SGMS1: variants seen among roughly 807,000 people sequenced by gnomAD.
The protein encoded by SGMS1 is sphingomyelin synthase 1, also known as phosphatidylcholine:ceramide cholinephosphotransferase 1.
Under a neutral mutation model 46.2 loss-of-function variants are expected in SGMS1, and 13 were observed. The ratio of observed to expected loss-of-function variants is 0.28; its 90% CI spans 0.18 to 0.45. The LOEUF is 0.45. Ranked by LOEUF, SGMS1 falls within the 20% of genes least tolerant of loss-of-function variation. SGMS1 has a pLI of 1.00. For synonymous variants in SGMS1, 203 were observed against 187.8 expected, an observed-to-expected ratio of 1.08 and a Z score of -0.66; for missense variants, 324 against 519.9, an observed-to-expected ratio of 0.62 and a Z score of 3.66.
chr10:50,564,985 C>A (rs1838275684), intron 2 of SGMS1, among the ~76,000 whole-genome samples: 1 of 152,162 alleles, frequency 6.6e-6, no homozygotes, highest in Non-Finnish European at 1.5e-5. Context: ...CCTTTCCTGG[C>A]ACCCACTTTC....
intron 6 of SGMS1, among the ~76,000 whole-genome samples, chr10:50,363,207 A>T (rs1848280779): frequency 6.6e-6 from 1 of 152,230 alleles, no homozygotes; most frequent in Non-Finnish European, 1.5e-5. Flanking sequence ...AAATCAAAAC[A>T]GTCGAAGAGA....
intron 6 of SGMS1, among the ~76,000 whole-genome samples, chr10:50,403,551 A>C (rs892096364): frequency 1.3e-5 from 2 of 152,058 alleles, no homozygotes; most frequent in African/African-American, 4.8e-5. Flanking sequence ...ATGGTGTTTC[A>C]AAAGCCAGAT....
chr10:50,328,086 C>A (rs1179371565), intron 7 of SGMS1: 3 of 386,590 alleles, frequency 7.8e-6, no homozygotes, highest in South Asian at 2.0e-5. Flanking sequence ...TAGGTTCTAA[C>A]AAAATTATTT....
At chr10:50,480,935 A>G (rs1222604745) in intron 3 of SGMS1, among the ~76,000 whole-genome samples, 5 of 151,816 alleles carry the variant, frequency 3.3e-5, no homozygotes, top group Non-Finnish European at 7.4e-5. Flanking sequence ...ACCCAGATCC[A>G]TCCCTTCTTA....
chr10:50,383,292 G>A lies in SGMS1; in HGVS notation c.-231-38947C>T, dbSNP rs185690409. On this transcript the variant is annotated intron_variant, in intron 6 of 10. Transcript: ENST00000361781. ...ACAGATGAATAGAGCCGAAAGATCC[G>A]TTTCTTCAAGTTTAAAAAGATTTCC... Among the ~76,000 whole-genome samples the A allele has an allele frequency of 4.2e-4, 64 of 152,162 alleles. No homozygotes were observed. The East Asian group carries it at 6.9e-3, about 17-fold the overall frequency.
intron 2 of SGMS1, among the ~76,000 whole-genome samples, chr10:50,543,964 C>A (rs1470047095): frequency 6.6e-6 from 1 of 152,182 alleles, no homozygotes; most frequent in Non-Finnish European, 1.5e-5. Context: ...CCTCCAAGAG[C>A]CATCCCCAAA....
chr10:50,414,257 T>G (rs1391468577), intron 6 of SGMS1, among the ~76,000 whole-genome samples: 1 of 152,144 alleles, frequency 6.6e-6, no homozygotes, highest in African/African-American at 2.4e-5. Flanking sequence ...TATTAAAAAA[T>G]TAGCCAGGCA....
At chr10:50,436,913 T>C (rs140175410) in intron 5 of SGMS1, among the ~76,000 whole-genome samples, 46 of 152,296 alleles carry the variant, frequency 3.0e-4, no homozygotes, top group African/African-American at 1.1e-3. Flanking sequence ...GAAAGGTATG[T>C]GCGTTGCTGT....
At chr10:50,417,985 T>A (rs1339479098) in intron 6 of SGMS1, 1 of 152,258 alleles carries the variant, frequency 6.6e-6, no homozygotes, top group African/African-American at 2.4e-5. Flanking sequence ...GAATTGGCAC[T>A]GATTGCGGTA....
chr10:50,333,552 T>A (rs190785588), intron 7 of SGMS1, among the ~76,000 whole-genome samples: 13 of 152,174 alleles, frequency 8.5e-5, no homozygotes, highest in African/African-American at 2.9e-4. Context: ...TCTAGTCTCA[T>A]TGTCCTGTAA....
intron 6 of SGMS1, among the ~76,000 whole-genome samples, chr10:50,424,877 A>G (rs1849301246): frequency 6.8e-6 from 1 of 148,078 alleles, no homozygotes; most frequent in Non-Finnish European, 1.5e-5. Flanking sequence ...GCGCCATTGC[A>G]CTCCAGCCTG....
rs1052935347 is a variant in SGMS1, at chr10:50,344,255, C to T, written c.-141G>A. 1.8e-5 allele frequency: 21 copies of T among 1,187,880 alleles called. No homozygotes were observed. Among genetic ancestry groups the T allele is most frequent in the African/African-American group, 3.0e-5 (2 of 65,786 alleles). The allele number at this position is 1,187,880 out of a possible 1,614,324, so 73.6% of individuals were successfully genotyped here. Reference sequence around the variant, plus strand: ...GCAGAGACTTGTTTGGCAAGATGGTCAGGGCAGTTTTTAAACACCTCATGT... The same window carrying T: ...GCAGAGACTTGTTTGGCAAGATGGTTAGGGCAGTTTTTAAACACCTCATGT... On this transcript the variant is annotated 5_prime_UTR_variant, in exon 7 of 11. Coordinates refer to ENST00000361781, the MANE Select transcript of SGMS1 (RefSeq NM_147156.4).
chr10:50,623,672 T>G, intron 1 of SGMS1, 35 bp downstream of exon 1: 1 of 985,192 alleles, frequency 1.0e-6, no homozygotes, highest in Non-Finnish European at 1.2e-6. Context: ...CCCGCAACCG[T>G]GAGGCCGGCT....
chr10:50,523,655 C>A (rs1258510558), intron 2 of SGMS1, among the ~76,000 whole-genome samples: 3 of 152,170 alleles, frequency 2.0e-5, no homozygotes, highest in Admixed American at 2.0e-4. Context: ...GAAAAGAATC[C>A]TTTTCATATA....
At chr10:50,457,546 C>T (rs1032702670) in intron 5 of SGMS1, among the ~76,000 whole-genome samples, 5 of 152,138 alleles carry the variant, frequency 3.3e-5, no homozygotes, top group African/African-American at 7.2e-5. Context: ...CAGTACCCAA[C>T]AGTTAGTCTT....
intron 2 of SGMS1, among the ~76,000 whole-genome samples, chr10:50,536,816 T>A (rs1296147482): frequency 6.6e-6 from 1 of 152,234 alleles, no homozygotes; most frequent in Non-Finnish European, 1.5e-5. Flanking sequence ...AAACATGCTA[T>A]AATCATTGTC....
At chr10:50,587,320 G>C (rs576903780) in intron 2 of SGMS1, among the ~76,000 whole-genome samples, 1 of 152,184 alleles carries the variant, frequency 6.6e-6, no homozygotes, top group Non-Finnish European at 1.5e-5. Context: ...GGAAATATGA[G>C]GTATGCTGTG....
At chr10:50,612,232 TTA>T (rs1274468187) in intron 1 of SGMS1, among the ~76,000 whole-genome samples, 2 of 152,248 alleles carry the variant, frequency 1.3e-5, no homozygotes, top group Non-Finnish European at 2.9e-5. Flanking sequence ...CTGAGATTTG[TTA>T]TAACATCCCG....
At chr10:50,516,012 T>A (rs1310021868) in intron 3 of SGMS1, among the ~76,000 whole-genome samples, 1 of 152,164 alleles carries the variant, frequency 6.6e-6, no homozygotes, top group Non-Finnish European at 1.5e-5. Flanking sequence ...CTACCTGTAA[T>A]CTACAAAGCA....
Sources: gnomAD v4.1 joint callset for allele counts (sites outside exome capture counted in the v4.1 genomes callset) on GRCh38, gnomAD v4.1.1 for gene constraint, MANE v1.5 for transcripts, NCBI Gene and HGNC (gene_info 2026-07-23, HGNC 2026-07-21) for gene names.